SEMA5A: variants seen among roughly 807,000 people sequenced by gnomAD.
SEMA5A encodes semaphorin-5A.
Under a neutral mutation model 135.5 loss-of-function variants are expected in SEMA5A, and 55 were observed. The ratio of observed to expected loss-of-function variants is 0.41; its 90% CI spans 0.33 to 0.51. The LOEUF is 0.51. Ranked by LOEUF, SEMA5A falls within the 20% of genes least tolerant of loss-of-function variation. SEMA5A has a pLI of 0.37. For synonymous variants in SEMA5A, 580 were observed against 546.5 expected, an observed-to-expected ratio of 1.06 and a Z score of -0.85; for missense variants, 1,290 against 1,419.9, an observed-to-expected ratio of 0.91 and a Z score of 1.47.
At chr5:9,117,330 C>G (rs527298598) in intron 15 of SEMA5A, among the ~76,000 whole-genome samples, 2 of 152,262 alleles carry the variant, frequency 1.3e-5, no homozygotes, top group East Asian at 1.9e-4. Flanking sequence ...TCTAGGGAAG[C>G]CTTTGTACAG....
At position 9,325,341 on chromosome 5, in the gene SEMA5A, A is replaced by G. The variant is rs1752822898; in HGVS notation, c.225-6924T>C. Among the ~76,000 whole-genome samples the G allele has an allele frequency of 2.0e-5, 3 of 152,170 alleles. No homozygotes were observed. The South Asian group carries it at 6.2e-4, about 32-fold the overall frequency. ...AGGAGTAATAACATATGAGGAGTAC[A>G]CAGATCCAATGGGCTGAATAATTCA... is the stretch of plus-strand genomic sequence containing the variant. On this transcript the variant is annotated intron_variant, in intron 4 of 22. Coordinates refer to ENST00000382496, the MANE Select transcript of SEMA5A (RefSeq NM_003966.3).
At chr5:9,335,318 C>T (rs1049523198) in intron 4 of SEMA5A, among the ~76,000 whole-genome samples, 3 of 152,132 alleles carry the variant, frequency 2.0e-5, no homozygotes, top group African/African-American at 7.2e-5. Flanking sequence ...GGGACAGGTA[C>T]CCCTTGAAAA....
intron 8 of SEMA5A, among the ~76,000 whole-genome samples, chr5:9,220,747 C>G (rs577345206): frequency 1.3e-5 from 2 of 152,300 alleles, no homozygotes; most frequent in South Asian, 4.1e-4. Flanking sequence ...ACAGCATAAA[C>G]TTTCTGTAAA....
intron 5 of SEMA5A, among the ~76,000 whole-genome samples, chr5:9,272,110 A>C (rs1223674575): frequency 6.6e-6 from 1 of 152,078 alleles, no homozygotes; most frequent in Non-Finnish European, 1.5e-5. Context: ...CCTAAGATCT[A>C]CTGGCTGGAA....
chr5:9,074,726 T>C (rs758274739), intron 16 of SEMA5A, among the ~76,000 whole-genome samples: 2 of 152,220 alleles, frequency 1.3e-5, no homozygotes, highest in Non-Finnish European at 2.9e-5. Context: ...AACAAGCGTA[T>C]GTAAACTTAG....
chr5:9,416,892 C>T (rs959822332), intron 2 of SEMA5A, among the ~76,000 whole-genome samples: 1 of 152,014 alleles, frequency 6.6e-6, no homozygotes, highest in Admixed American at 6.6e-5. Flanking sequence ...TGCAAATTGT[C>T]AATAGTGCCA....
chr5:9,209,226 C>A (rs1746212984), intron 8 of SEMA5A, among the ~76,000 whole-genome samples: 1 of 152,178 alleles, frequency 6.6e-6, no homozygotes, highest in Non-Finnish European at 1.5e-5. Context: ...TGTTCTAGTT[C>A]AAAGTGACAG....
intron 12 of SEMA5A, among the ~76,000 whole-genome samples, chr5:9,145,217 T>C (rs1213213845): frequency 6.6e-6 from 1 of 152,124 alleles, no homozygotes; most frequent in Non-Finnish European, 1.5e-5. Context: ...AAAGGAACTA[T>C]CTTGTGTCAA....
intron 15 of SEMA5A, among the ~76,000 whole-genome samples, chr5:9,110,319 C>T (rs886510552): frequency 6.6e-6 from 1 of 152,076 alleles, no homozygotes; most frequent in African/African-American, 2.4e-5. Context: ...TCTCTGGAGC[C>T]CCTGAGATTC....
At chr5:9,482,953 A>T (rs1759931714) in intron 1 of SEMA5A, among the ~76,000 whole-genome samples, 1 of 152,250 alleles carries the variant, frequency 6.6e-6, no homozygotes, top group African/African-American at 2.4e-5. Flanking sequence ...GGAATTTAAA[A>T]ATTCATGATG....
chr5:9,194,567 G>T (rs760909932), intron 10 of SEMA5A, among the ~76,000 whole-genome samples: 6 of 152,206 alleles, frequency 3.9e-5, no homozygotes, highest in Non-Finnish European at 5.9e-5. Flanking sequence ...ATGGTTTCAT[G>T]AATGTCTGTG....
rs905625877 is a variant in SEMA5A at position 9,529,765 on chromosome 5, T to A, written c.-175+15819A>T. Among the ~76,000 whole-genome samples the A allele has an allele frequency of 8.5e-5, 13 of 152,368 alleles. No homozygotes were observed. In the East Asian group the frequency reaches 2.5e-3, roughly 29 times the overall value. Reference sequence around the variant, plus strand: ...ACTTAGCTTCCTATTGTTCATTCATTCTACGTGAAGCTCCTCAAGAAGAGG... The same window carrying A: ...ACTTAGCTTCCTATTGTTCATTCATACTACGTGAAGCTCCTCAAGAAGAGG... On this transcript the variant is annotated intron_variant, in intron 1 of 22. Transcript: ENST00000382496.
At chr5:9,192,761 T>C (rs1745182891) in intron 10 of SEMA5A, among the ~76,000 whole-genome samples, 1 of 152,248 alleles carries the variant, frequency 6.6e-6, no homozygotes, top group Non-Finnish European at 1.5e-5. Context: ...TTACGTGTGG[T>C]GGTTTACATT....
At chr5:9,154,064 TA>T (rs1560967874) in intron 12 of SEMA5A, among the ~76,000 whole-genome samples, 6 of 48,594 alleles carry the variant, frequency 1.2e-4, no homozygotes, top group African/African-American at 3.2e-4. Flanking sequence ...AAAAAAAAAA[TA>T]TATATATATA....
At chr5:9,182,509 T>C (rs1744576691) in intron 11 of SEMA5A, among the ~76,000 whole-genome samples, 1 of 152,156 alleles carries the variant, frequency 6.6e-6, no homozygotes, top group African/African-American at 2.4e-5. Context: ...CTGTACTGTA[T>C]ATTTGCTTGT....
At chr5:9,445,030 A>G (rs1183988678) in intron 1 of SEMA5A, among the ~76,000 whole-genome samples, 1 of 152,240 alleles carries the variant, frequency 6.6e-6, no homozygotes, top group African/African-American at 2.4e-5. Flanking sequence ...GAAAGAAAAC[A>G]CACACACATA....
At chr5:9,337,119 G>A (rs1388260879) in intron 4 of SEMA5A, among the ~76,000 whole-genome samples, 3 of 152,190 alleles carry the variant, frequency 2.0e-5, no homozygotes, top group Admixed American at 6.5e-5. Flanking sequence ...TGCAGATGTT[G>A]ACCTAGATAC....
rs557527526 is a variant in SEMA5A at position 9,183,598 on chromosome 5, C to T, written c.1273+6669G>A. ...GCCAAGGGTTCAGGGTCAAGTAAGG[C>T]TGAGAGAACCTGCGGTTGAACTTAC... On this transcript the variant is annotated intron_variant, in intron 11 of 22. Coordinates refer to ENST00000382496, the MANE Select transcript of SEMA5A (RefSeq NM_003966.3). 7.2e-5 allele frequency among the ~76,000 whole-genome samples: 11 copies of T among 152,320 alleles called. No homozygotes were observed. The East Asian group carries it at 1.7e-3, about 24-fold the overall frequency.
At chr5:9,534,579 G>A (rs367738370) in intron 1 of SEMA5A, among the ~76,000 whole-genome samples, 62 of 152,146 alleles carry the variant, frequency 4.1e-4, no homozygotes, top group African/African-American at 1.4e-3. Context: ...GGAACATCAT[G>A]GTACCAGAAA....
Sources: allele counts gnomAD v4.1 joint callset (sites outside exome capture counted in the v4.1 genomes callset), GRCh38; gene constraint gnomAD v4.1.1; transcripts MANE v1.5; gene names NCBI Gene and HGNC (gene_info 2026-07-23, HGNC 2026-07-21).